MID1: variants seen among roughly 807,000 people sequenced by gnomAD.
MID1 encodes the protein E3 ubiquitin-protein ligase Midline-1.
In MID1, 7 loss-of-function variants were observed where a neutral mutation model predicts 40.4. The ratio of observed to expected loss-of-function variants is 0.17; its 90% CI spans 0.10 to 0.33. MID1 has a LOEUF of 0.33. Among genes scored for constraint, MID1 ranks in the 10% least tolerant of loss-of-function variants. The pLI, the probability that MID1 is intolerant of heterozygous loss-of-function variation, is 1.00. For synonymous variants in MID1, 229 were observed against 221.2 expected, an observed-to-expected ratio of 1.04 and a Z score of -0.31; for missense variants, 367 against 558.5, an observed-to-expected ratio of 0.66 and a Z score of 3.46.
At position 10,566,903 on chromosome X, in the gene MID1, G is replaced by A; in HGVS notation, c.645C>T (p.Arg215=). 8.3e-7 allele frequency: 1 copy of A among 1,211,440 alleles called. No homozygotes were observed. Among genetic ancestry groups the A allele is most frequent in the Non-Finnish European group, 1.1e-6 (1 of 895,380 alleles). The change falls in exon 2 of 10, where the codon CGC becomes CGT. Residue 215 remains arginine (R), a synonymous_variant. Coordinates refer to ENST00000317552, the MANE Select transcript of MID1 (RefSeq NM_000381.4). ...TCGGACTAACCTTCAATTTGTCATAGCGCTCACTCAAAGCTGCCACCTGAT... is the reference window on the plus strand; with the variant it reads ...TCGGACTAACCTTCAATTTGTCATAACGCTCACTCAAAGCTGCCACCTGAT... The part of the protein sequence containing the change: ...RDHQVAALSE[R]YDKLKQNLES...
chrX:10,755,126 G>C (rs1158344095), intron 1 of MID1, among the ~76,000 whole-genome samples: 1 of 111,802 alleles, frequency 8.9e-6, no homozygotes, highest in Non-Finnish European at 1.9e-5. Context: ...GACTGTGGTT[G>C]AAGTTTGTTT....
intron 1 of MID1, among the ~76,000 whole-genome samples, chrX:10,654,173 A>G (rs1406136688): frequency 8.9e-6 from 1 of 111,974 alleles, no homozygotes; most frequent in Non-Finnish European, 1.9e-5. Context: ...ATAGTTATAT[A>G]TAAATATAGC....
At chrX:10,817,748 T>C (rs1171156484) in intron 1 of MID1, among the ~76,000 whole-genome samples, 11 of 107,517 alleles carry the variant, frequency 1.0e-4, no homozygotes, top group African/African-American at 3.7e-4. Context: ...GCCGCCTGAG[T>C]AGCTGGGAAT....
intron 9 of MID1, among the ~76,000 whole-genome samples, chrX:10,453,468 G>A (rs1252577498): frequency 2.7e-5 from 3 of 111,795 alleles, no homozygotes; most frequent in South Asian, 3.7e-4. Context: ...CACTCATTAC[G>A]TACACTGTCA....
intron 3 of MID1, among the ~76,000 whole-genome samples, chrX:10,510,938 C>T (rs908141398): frequency 9.7e-6 from 1 of 103,530 alleles, no homozygotes; most frequent in Non-Finnish European, 2.0e-5. Flanking sequence ...CTTAAAATAA[C>T]AGTTCTAAAA....
At chrX:10,684,158 A>G (rs2043077886) in intron 1 of MID1, among the ~76,000 whole-genome samples, 1 of 110,995 alleles carries the variant, frequency 9.0e-6, no homozygotes. Flanking sequence ...TAAATGCTCA[A>G]TGTAGAAAAT....
At chrX:10,630,541 G>C in intron 1 of MID1, among the ~76,000 whole-genome samples, 1 of 108,380 alleles carries the variant, frequency 9.2e-6, no homozygotes, top group Admixed American at 9.9e-5. Context: ...TGTGCGGGGG[G>C]CGGGGGCAGT....
chrX:10,482,998 T>A (rs984081005), intron 4 of MID1, among the ~76,000 whole-genome samples: 3 of 112,501 alleles, frequency 2.7e-5, no homozygotes, highest in Non-Finnish European at 5.6e-5. Flanking sequence ...TATCTCAGGT[T>A]TATCTTCTTT....
At chrX:10,799,988 T>C (rs1356151254) in intron 1 of MID1, among the ~76,000 whole-genome samples, 1 of 110,267 alleles carries the variant, frequency 9.1e-6, no homozygotes, top group African/African-American at 3.3e-5. Context: ...CTAATTCTAC[T>C]ACCCTTCAGA....
At chrX:10,755,781 G>C (rs943836188) in intron 1 of MID1, among the ~76,000 whole-genome samples, 2 of 112,037 alleles carry the variant, frequency 1.8e-5, no homozygotes, top group African/African-American at 6.5e-5. Flanking sequence ...ATGAAGAACA[G>C]CCCGGGGAAC....
intron 3 of MID1, chrX:10,505,777 C>T: frequency 1.3e-6 from 1 of 751,871 alleles, no homozygotes; most frequent in Non-Finnish European, 1.6e-6. Flanking sequence ...ACCTTAATCA[C>T]TTTCAATCTT....
At chrX:10,817,437 T>C (rs2147156494) in intron 1 of MID1, among the ~76,000 whole-genome samples, 1 of 111,215 alleles carries the variant, frequency 9.0e-6, no homozygotes, top group Admixed American at 9.5e-5. Context: ...AAGTAGGAGT[T>C]TGGAAAACTC....
At chrX:10,487,983 T>C (rs1467939197) in intron 4 of MID1, among the ~76,000 whole-genome samples, 2 of 91,414 alleles carry the variant, frequency 2.2e-5, no homozygotes, top group East Asian at 3.4e-4. Context: ...CCTACAAGTC[T>C]TTTTTTTTTT....
At chrX:10,571,539 A>G (rs1934724210) in intron 1 of MID1, among the ~76,000 whole-genome samples, 1 of 99,323 alleles carries the variant, frequency 1.0e-5, no homozygotes, top group Non-Finnish European at 2.0e-5. Flanking sequence ...ACTTAAGTTC[A>G]TCTATGTACT....
At chrX:10,613,361 C>T (rs912347114) in intron 1 of MID1, among the ~76,000 whole-genome samples, 2 of 110,268 alleles carry the variant, frequency 1.8e-5, no homozygotes, top group African/African-American at 3.3e-5. Flanking sequence ...ATGCTTTGTC[C>T]GGCACAAATC....
At chrX:10,765,687 G>A (rs921766212) in intron 1 of MID1, among the ~76,000 whole-genome samples, 1 of 111,047 alleles carries the variant, frequency 9.0e-6, no homozygotes, top group African/African-American at 3.3e-5. Flanking sequence ...CTGGAGTCCT[G>A]GTTTGAACAA....
At chrX:10,594,819 T>C (rs1935381662) in intron 1 of MID1, among the ~76,000 whole-genome samples, 1 of 111,988 alleles carries the variant, frequency 8.9e-6, no homozygotes, top group Admixed American at 9.5e-5. Context: ...AGACAAAGAA[T>C]ATATATAAAA....
At chrX:10,747,412 G>A (rs984459256) in intron 1 of MID1, among the ~76,000 whole-genome samples, 1 of 112,379 alleles carries the variant, frequency 8.9e-6, no homozygotes, top group Non-Finnish European at 1.9e-5. Context: ...ACAGCCTCAT[G>A]TGCTCATTTA....
chrX:10,823,986 A>C (rs1225392495), intron 1 of MID1, among the ~76,000 whole-genome samples: 1 of 112,441 alleles, frequency 8.9e-6, no homozygotes, highest in Non-Finnish European at 1.9e-5. Flanking sequence ...AAGGCAGGTC[A>C]TTTATAAATA....
Sources: gnomAD v4.1 joint callset for allele counts (sites outside exome capture counted in the v4.1 genomes callset) on GRCh38, gnomAD v4.1.1 for gene constraint, MANE v1.5 for transcripts, NCBI Gene and HGNC (gene_info 2026-07-23, HGNC 2026-07-21) for gene names.